OR11A1: variants seen among roughly 807,000 people sequenced by gnomAD.
OR11A1 encodes olfactory receptor family 11 subfamily A member 1.
For missense variants in OR11A1, 380 were observed against 378.2 expected (o/e 1.00, Z -0.04); for synonymous variants, 158 against 152.2 (o/e 1.04, Z -0.28).
At position 29,427,227 on chromosome 6, in the gene OR11A1, GC is replaced by G; in HGVS notation, c.414del (p.Arg140AspfsTer17). ...CYPLHYPLLM[G>X]PRRYMGLVVT... ...ACCACCAGCCCCATGTACCGTCTGG[GC>G]CCCATCAGGAGTGGGTAGTGGAGTG... is the stretch of plus-strand genomic sequence containing the variant. On this transcript the variant is annotated frameshift_variant, in exon 5 of 5. Transcript: ENST00000377149. LOFTEE classifies it low-confidence loss of function (END_TRUNC). 1 of 1,613,114 alleles carries G rather than the reference GC, an allele frequency of 6.2e-7. No homozygotes were observed. Among genetic ancestry groups the G allele is most frequent in the Non-Finnish European group, 8.5e-7 (1 of 1,180,028 alleles).
Position 29,425,649 on chromosome 6 carries a change from C to A in OR11A1, c.*1045G>T, listed in dbSNP as rs1418519764. 1.3e-5 allele frequency: 2 copies of A among 152,038 alleles called. No homozygotes were observed. Among genetic ancestry groups the A allele is most frequent in the Non-Finnish European group, 2.9e-5 (2 of 67,990 alleles). 9.4% of individuals were successfully genotyped at this position (152,038 alleles called of 1,614,324 possible). ...AAAATTTTCCATGAAAACTAACAAA[C>A]AAGGAGCTGTAGCTAATTAAAATAA... On this transcript the variant is annotated 3_prime_UTR_variant, in exon 5 of 5. Coordinates refer to ENST00000377149, the MANE Select transcript of OR11A1 (RefSeq NM_001394828.1).
At chr6:29,445,678 G>T (rs1221789561) in intron 1 of OR11A1, among the ~76,000 whole-genome samples, 1 of 152,142 alleles carries the variant, frequency 6.6e-6, no homozygotes, top group East Asian at 1.9e-4. Flanking sequence ...AGTGCCCTAG[G>T]GAGGGCTTGG....
intron 1 of OR11A1, among the ~76,000 whole-genome samples, chr6:29,432,556 G>A (rs149470216): frequency 6.6e-6 from 1 of 152,230 alleles, no homozygotes; most frequent in African/African-American, 2.4e-5. Flanking sequence ...CTTAGTAGGG[G>A]TGTTTTATAT....
intron 1 of OR11A1, among the ~76,000 whole-genome samples, chr6:29,442,648 C>T (rs574128298): frequency 1.3e-5 from 2 of 152,070 alleles, no homozygotes; most frequent in East Asian, 1.9e-4. Flanking sequence ...AAATGTAAAG[C>T]GAAAAGACAA....
chr6:29,433,512 C>T (rs78351597), intron 1 of OR11A1, among the ~76,000 whole-genome samples: 1,814 of 152,246 alleles, frequency 0.012, 12 homozygotes, highest in Non-Finnish European at 0.02. Flanking sequence ...AACAGAATTT[C>T]CTTCTTCTTT....
chr6:29,427,229 C>T lies in OR11A1; in HGVS notation c.413G>A (p.Gly138Glu). The change falls in exon 5 of 5, where the codon GGG (glycine) becomes GAG (glutamate). Residue 138 changes from glycine to glutamate, a missense_variant. Transcript: ENST00000377149. ...CYPLHYPLLM[G>E]PRRYMGLVVT... ...CACCAGCCCCATGTACCGTCTGGGC[C>T]CCATCAGGAGTGGGTAGTGGAGTGG... 1.2e-6 allele frequency: 2 copies of T among 1,613,066 alleles called. No homozygotes were observed. The highest frequency in any genetic ancestry group is 8.5e-7 in the Non-Finnish European group (1 of 1,180,022).
intron 1 of OR11A1, among the ~76,000 whole-genome samples, chr6:29,442,253 T>C (rs1189982922): frequency 1.3e-5 from 2 of 152,066 alleles, no homozygotes; most frequent in Admixed American, 6.5e-5. Context: ...CAGAAACTGC[T>C]ACCCAGCACA....
intron 1 of OR11A1, among the ~76,000 whole-genome samples, chr6:29,442,701 G>A (rs562378298): frequency 3.4e-4 from 52 of 152,342 alleles, no homozygotes; most frequent in Admixed American, 5.2e-4. Context: ...GGGTTGTGTG[G>A]CCTTCCTCAA....
At position 29,426,992 on chromosome 6, in the gene OR11A1, G is replaced by A. The variant is rs764738645; in HGVS notation, c.650C>T (p.Thr217Ile). 2.5e-6 allele frequency: 4 copies of A among 1,612,806 alleles called. No individual in the cohort carries two copies. The highest frequency in any genetic ancestry group is 1.7e-6 in the Non-Finnish European group (2 of 1,180,046). ...CLTIPFGLILTSYARIVVAVL... is the reference protein window; with the variant it reads ...CLTIPFGLILISYARIVVAVL... Reference sequence around the variant, plus strand: ...TGCCACCACAATTCTGGCATAAGATGTCAGAATCAGTCCAAAAGGAATAGT... The same window carrying A: ...TGCCACCACAATTCTGGCATAAGATATCAGAATCAGTCCAAAAGGAATAGT... Residue 217 changes from threonine (T) to isoleucine (I), a missense_variant, in exon 5 of 5, where the codon ACA becomes ATA. Coordinates refer to ENST00000377149, the MANE Select transcript of OR11A1 (RefSeq NM_001394828.1).
intron 1 of OR11A1, chr6:29,450,218 C>T (rs930636290): frequency 2.0e-5 from 3 of 152,338 alleles, no homozygotes; most frequent in African/African-American, 4.8e-5. Flanking sequence ...TCCCACAGCC[C>T]CAGCTGGTAG....
intron 1 of OR11A1, among the ~76,000 whole-genome samples, chr6:29,433,443 G>T (rs897034727): frequency 2.0e-5 from 3 of 152,092 alleles, no homozygotes; most frequent in African/African-American, 7.2e-5. Context: ...TTGTCCTTCT[G>T]TGCCTGACTT....
At chr6:29,440,747 G>A in intron 1 of OR11A1, 1 of 1,614,050 alleles carries the variant, frequency 6.2e-7, no homozygotes, top group Non-Finnish European at 8.5e-7. Flanking sequence ...CCTCCCACCT[G>A]ATCATGGTCT....
Position 29,426,657 on chromosome 6 carries a change from T to C in OR11A1, c.*37A>G, listed in dbSNP as rs1164124523. On this transcript the variant is annotated 3_prime_UTR_variant, in exon 5 of 5. Transcript: ENST00000377149. ...ATCCTGGAAGAGTCCCCAGTGGAGG[T>C]GTCCGAAGTCCAAAATAACATCTTC... 3.3e-6 allele frequency: 5 copies of C among 1,522,372 alleles called. No individual in the cohort carries two copies. In the East Asian group the frequency reaches 1.1e-4, roughly 34 times the overall value. The allele number at this position is 1,522,372 out of a possible 1,614,324, so 94.3% of individuals were successfully genotyped here. A position where few individuals can be genotyped will look rare whatever the true frequency, so the allele number is the denominator to read the frequency against.
At chr6:29,433,982 T>G (rs1044475813) in intron 1 of OR11A1, among the ~76,000 whole-genome samples, 5 of 152,188 alleles carry the variant, frequency 3.3e-5, no homozygotes, top group Non-Finnish European at 5.9e-5. Context: ...TTGAGAAATG[T>G]CTATTCAGGT....
At chr6:29,440,880 T>C (rs1265373641) in intron 1 of OR11A1, 7 of 1,613,850 alleles carry the variant, frequency 4.3e-6, no homozygotes, top group Non-Finnish European at 5.9e-6. Flanking sequence ...CCCCATCATC[T>C]ACAGCCTGCG....
In OR11A1 at chr6:29,426,989, G is replaced by T. The variant is rs141132696; in HGVS notation, c.653C>A (p.Ser218Tyr). 174 of 1,612,852 alleles carry T rather than the reference G, an allele frequency of 1.1e-4. No homozygotes were observed. The highest frequency in any genetic ancestry group is 1.6e-4 in the Middle Eastern group (1 of 6,084). Residue 218 changes from serine to tyrosine, a missense_variant, in exon 5 of 5, where the codon TCT (serine) becomes TAT (tyrosine). Transcript: ENST00000377149. Reference sequence around the variant, plus strand: ...CACTGCCACCACAATTCTGGCATAAGATGTCAGAATCAGTCCAAAAGGAAT... The same window carrying T: ...CACTGCCACCACAATTCTGGCATAATATGTCAGAATCAGTCCAAAAGGAAT... ...LTIPFGLILT[S>Y]YARIVVAVLR...
intron 1 of OR11A1, among the ~76,000 whole-genome samples, chr6:29,435,855 T>C (rs963561544): frequency 5.5e-4 from 84 of 152,344 alleles, no homozygotes; most frequent in African/African-American, 2.0e-3. Flanking sequence ...ATATTTTAGC[T>C]GTGTCATAAA....
rs117131802 is a variant in OR11A1, at chr6:29,452,367, G to A, written c.-389+4620C>T. Among the ~76,000 whole-genome samples, 743 of 151,916 alleles carry A rather than the reference G, an allele frequency of 4.9e-3. 21 individuals carry two copies. Among genetic ancestry groups the A allele is most frequent in the Admixed American group, 0.043 (656 of 15,234 alleles). On this transcript the variant is annotated intron_variant, in intron 1 of 4. Coordinates refer to ENST00000377149, the MANE Select transcript of OR11A1 (RefSeq NM_001394828.1). ...GAAAAAAAGGAGAAGAGAGATAAAA[G>A]GGCAAACAAAAAAATTGTTCAAAAA... is the stretch of plus-strand genomic sequence containing the variant.
Position 29,426,944 on chromosome 6 carries a change from G to T in OR11A1, c.698C>A (p.Ala233Glu). Reference sequence around the variant, plus strand: ...TGTGGAGAAAGCCCTTCTCCTGCTTGCCCCAGCAGGAACTCTCAGCACTGC... The same window carrying T: ...TGTGGAGAAAGCCCTTCTCCTGCTTTCCCCAGCAGGAACTCTCAGCACTGC... The part of the protein sequence containing the change: ...VVAVLRVPAG[A>E]SRRRAFSTCS... Residue 233 changes from alanine (A) to glutamate (E), a missense_variant, in exon 5 of 5, where the codon GCA becomes GAA. Coordinates refer to ENST00000377149, the MANE Select transcript of OR11A1 (RefSeq NM_001394828.1). 6.2e-7 allele frequency: 1 copy of T among 1,613,056 alleles called. No individual in the cohort carries two copies. Among genetic ancestry groups the T allele is most frequent in the Non-Finnish European group, 8.5e-7 (1 of 1,180,014 alleles).
Sources: allele counts gnomAD v4.1 joint callset (sites outside exome capture counted in the v4.1 genomes callset), GRCh38; gene constraint gnomAD v4.1.1; transcripts MANE v1.5; gene names NCBI Gene and HGNC (gene_info 2026-07-23, HGNC 2026-07-21).